Variants in ADAM23 observed in about 807,000 individuals in gnomAD.
ADAM23 encodes the protein ADAM metallopeptidase domain 23, also known as disintegrin and metalloproteinase domain-containing protein 23.
A neutral mutation model predicts 120.1 loss-of-function variants in ADAM23; 33 were observed. That is an observed-to-expected ratio of 0.27 (90% CI 0.21 to 0.37). ADAM23 has a LOEUF of 0.37. ADAM23 is among the 10% of genes least tolerant of loss of function. The probability of loss-of-function intolerance (pLI) is 1.00; values close to 1 mark genes in which losing one functional copy is unlikely to be tolerated. For synonymous variants in ADAM23, 367 were observed against 375.2 expected, an observed-to-expected ratio of 0.98 and a Z score of 0.25; for missense variants, 862 against 1,058.2, an observed-to-expected ratio of 0.81 and a Z score of 2.57.
Position 206,561,090 on chromosome 2 carries a change from A to T in ADAM23, c.1170-38A>T, listed in dbSNP as rs370132435. 1.1e-5 allele frequency: 17 copies of T among 1,580,306 alleles called. No homozygotes were observed. The African/African-American group carries it at 1.6e-4, about 15-fold the overall frequency. ...TTGGGAGAGTATGAAATGATGGTCC[A>T]CCACGTTGGTTTTCTGATAGCACTG... On this transcript the variant is annotated intron_variant, in intron 11 of 25. Coordinates refer to ENST00000264377, the MANE Select transcript of ADAM23 (RefSeq NM_003812.4).
intron 6 of ADAM23, among the ~76,000 whole-genome samples, chr2:206,545,804 G>A (rs912779887): frequency 2.6e-5 from 4 of 152,106 alleles, no homozygotes; most frequent in Non-Finnish European, 4.4e-5. Context: ...AAAATTATTC[G>A]ACTCATTCAG....
chr2:206,562,305 G>T lies in ADAM23; in HGVS notation c.1345+12G>T, dbSNP rs1697783958. 1 of 1,605,274 alleles carries T rather than the reference G, an allele frequency of 6.2e-7. No homozygotes were observed. Among genetic ancestry groups the T allele is most frequent in the South Asian group, 1.1e-5 (1 of 90,648 alleles). On this transcript the variant is annotated intron_variant, in intron 13 of 25. Transcript: ENST00000264377. ...TAGCAGAAAGCCAAGTATGTACACT[G>T]ACCTTCTTACTCATTTTCATGTGCC... is the stretch of plus-strand genomic sequence containing the variant.
chr2:206,565,586 G>T lies in ADAM23; in HGVS notation c.1394+518G>T, dbSNP rs771125000. Among the ~76,000 whole-genome samples, 191 of 152,140 alleles carry T rather than the reference G, an allele frequency of 1.3e-3. 1 individual carries two copies. Among genetic ancestry groups the T allele is most frequent in the Non-Finnish European group, 2.2e-3 (149 of 68,018 alleles). On this transcript the variant is annotated intron_variant, in intron 14 of 25. Coordinates refer to ENST00000264377, the MANE Select transcript of ADAM23 (RefSeq NM_003812.4). The stretch of plus-strand genomic sequence containing the variant: ...TTGAACATTCCCTCACTTTTCTTTT[G>T]TGAATACTTTGGGAACTAGAGCAGC...
intron 15 of ADAM23, among the ~76,000 whole-genome samples, chr2:206,569,109 A>G (rs1185390103): frequency 6.6e-6 from 1 of 152,248 alleles, no homozygotes; most frequent in Non-Finnish European, 1.5e-5. Flanking sequence ...GCATTTTTGA[A>G]TTGTAATGTA....
At chr2:206,536,274 T>C (rs2105802304) in intron 4 of ADAM23, among the ~76,000 whole-genome samples, 1 of 152,344 alleles carries the variant, frequency 6.6e-6, no homozygotes, top group East Asian at 1.9e-4. Flanking sequence ...AGAAAAATAT[T>C]CTGTGACCTC....
intron 3 of ADAM23, among the ~76,000 whole-genome samples, chr2:206,499,604 C>T (rs568608545): frequency 7.9e-5 from 12 of 151,634 alleles, no homozygotes; most frequent in South Asian, 2.1e-4. Flanking sequence ...CAAACCTGCA[C>T]GTTGTGCACA....
At chr2:206,489,427 C>T (rs574202690) in intron 3 of ADAM23, among the ~76,000 whole-genome samples, 2 of 152,276 alleles carry the variant, frequency 1.3e-5, no homozygotes, top group African/African-American at 2.4e-5. Flanking sequence ...TGGTCACACA[C>T]TCTGGGCCTT....
rs1698448242 is a variant in ADAM23 at position 206,592,703 on chromosome 2, C to T, written c.2045C>T (p.Ser682Phe). ...GQLQGEIIPT[S>F]FYHQGRVIDC... Reference sequence around the variant, plus strand: ...CTTCAGGGTGAGATCATTCCAACTTCCTTCTACCATCAAGGCCGGGTGATT... The same window carrying T: ...CTTCAGGGTGAGATCATTCCAACTTTCTTCTACCATCAAGGCCGGGTGATT... Residue 682 changes from serine to phenylalanine, a missense_variant, in exon 22 of 26, where the codon TCC becomes TTC. By Grantham distance (155) the Ser-to-Phe change is radical. Transcript: ENST00000264377. 5 of 1,613,892 alleles carry T rather than the reference C, an allele frequency of 3.1e-6. No individual in the cohort carries two copies. In the African/African-American group the frequency reaches 5.3e-5, roughly 17 times the overall value.
chr2:206,608,186 CT>C (rs1194586284), intron 24 of ADAM23, among the ~76,000 whole-genome samples: 2 of 152,198 alleles, frequency 1.3e-5, no homozygotes, highest in Non-Finnish European at 2.9e-5. Context: ...TCTGTAACAA[CT>C]TCTCAACAAT....
At chr2:206,603,907 G>A (rs1698684747) in intron 24 of ADAM23, among the ~76,000 whole-genome samples, 1 of 151,328 alleles carries the variant, frequency 6.6e-6, no homozygotes, top group East Asian at 1.9e-4. Flanking sequence ...AATTGCAGAA[G>A]TCATAGGACT....
At chr2:206,516,957 A>G (rs931595480) in intron 3 of ADAM23, among the ~76,000 whole-genome samples, 3 of 152,122 alleles carry the variant, frequency 2.0e-5, no homozygotes, top group African/African-American at 7.2e-5. Context: ...GTGGACATAC[A>G]CCAGCAGCAT....
chr2:206,577,551 T>C (rs1031326088), intron 18 of ADAM23, among the ~76,000 whole-genome samples: 9 of 138,496 alleles, frequency 6.5e-5, no homozygotes, highest in Non-Finnish European at 1.2e-4. Context: ...CTGAGAATGA[T>C]GATTTCCAGT....
At chr2:206,473,736 G>A (rs757625520) in intron 2 of ADAM23, among the ~76,000 whole-genome samples, 1 of 151,740 alleles carries the variant, frequency 6.6e-6, no homozygotes, top group Non-Finnish European at 1.5e-5. Flanking sequence ...GCCAGGCATG[G>A]TAGCTCACAC....
At chr2:206,592,304 T>G (rs1698439755) in intron 21 of ADAM23, among the ~76,000 whole-genome samples, 1 of 152,136 alleles carries the variant, frequency 6.6e-6, no homozygotes, top group African/African-American at 2.4e-5. Context: ...CAGGGGCCAC[T>G]TTTAACTCTA....
chr2:206,458,823 C>A (rs2105857198), intron 2 of ADAM23, among the ~76,000 whole-genome samples: 1 of 152,304 alleles, frequency 6.6e-6, no homozygotes, highest in Middle Eastern at 3.4e-3. Context: ...GAAATACTTT[C>A]ATCTGCCTTT....
intron 9 of ADAM23, among the ~76,000 whole-genome samples, chr2:206,554,319 A>G (rs772559205): frequency 2.0e-5 from 3 of 152,200 alleles, no homozygotes; most frequent in African/African-American, 4.8e-5. Flanking sequence ...TATAGCCTTG[A>G]TAAGAGTCTG....
chr2:206,454,730 T>G (rs1695261007), intron 2 of ADAM23, among the ~76,000 whole-genome samples: 1 of 152,084 alleles, frequency 6.6e-6, no homozygotes, highest in Non-Finnish European at 1.5e-5. Flanking sequence ...TTGGCCAAAA[T>G]AAAGGGGCTA....
At chr2:206,547,653 T>C (rs2105811593) in intron 7 of ADAM23, 152 bp downstream of exon 7, 1 of 589,760 alleles carries the variant, frequency 1.7e-6, no homozygotes, top group Non-Finnish European at 2.8e-6. Flanking sequence ...TGGTGGCTCT[T>C]GTGTAAAGAG....
At chr2:206,470,538 T>G (rs1553547642) in intron 2 of ADAM23, among the ~76,000 whole-genome samples, 1 of 152,222 alleles carries the variant, frequency 6.6e-6, no homozygotes, top group Admixed American at 6.5e-5. Context: ...TACATCTAGC[T>G]TTGGGTAAAG....
Sources: gnomAD v4.1 joint callset for allele counts (sites outside exome capture counted in the v4.1 genomes callset) on GRCh38, gnomAD v4.1.1 for gene constraint, MANE v1.5 for transcripts, NCBI Gene and HGNC (gene_info 2026-07-23, HGNC 2026-07-21) for gene names.